FSTL4: variants seen among roughly 807,000 people sequenced by gnomAD.
FSTL4 encodes follistatin-related protein 4.
In FSTL4, 28 loss-of-function variants were observed where a neutral mutation model predicts 78.2. The ratio of observed to expected loss-of-function variants is 0.36; its 90% CI spans 0.27 to 0.49. The LOEUF (loss-of-function observed/expected upper bound fraction) is 0.49, where lower values mean the gene tolerates loss of function less well. Ranked by LOEUF, FSTL4 falls within the 20% of genes least tolerant of loss-of-function variation. FSTL4 has a pLI of 0.98. For missense variants in FSTL4, 922 were observed against 1,084.9 expected (o/e 0.85, Z 2.11); for synonymous variants, 422 against 440.5 (o/e 0.96, Z 0.53).
chr5:133,357,234 C>T (rs1203603069), intron 4 of FSTL4, among the ~76,000 whole-genome samples: 4 of 152,184 alleles, frequency 2.6e-5, no homozygotes, highest in African/African-American at 9.7e-5. Flanking sequence ...TTGGCAGAGT[C>T]TCAGTCCCCC....
chr5:133,219,911 G>A (rs765329673), intron 12 of FSTL4, among the ~76,000 whole-genome samples: 118 of 152,164 alleles, frequency 7.8e-4, no homozygotes, highest in Non-Finnish European at 1.5e-3. Flanking sequence ...AACATTGATG[G>A]GAAATAACAC....
chr5:133,393,858 A>C (rs1304489832), intron 4 of FSTL4, among the ~76,000 whole-genome samples: 1 of 152,272 alleles, frequency 6.6e-6, no homozygotes, highest in East Asian at 1.9e-4. Flanking sequence ...TGGCTTCTTA[A>C]TGACCTGCGG....
chr5:133,623,925 G>A, the FSTL4 span, among the ~76,000 whole-genome samples: 1 of 151,878 alleles, frequency 6.6e-6, no homozygotes, highest in Non-Finnish European at 1.5e-5. Context: ...CACAAGGAAG[G>A]CTATAATAAT....
the FSTL4 span, among the ~76,000 whole-genome samples, chr5:133,693,566 G>C: frequency 1.3e-5 from 2 of 152,214 alleles, no homozygotes; most frequent in Admixed American, 1.3e-4. Context: ...GGTTGCTGCA[G>C]CCCTGACCTC....
intron 3 of FSTL4, among the ~76,000 whole-genome samples, chr5:133,450,906 C>G (rs1399222482): frequency 6.6e-6 from 1 of 152,070 alleles, no homozygotes; most frequent in Non-Finnish European, 1.5e-5. Flanking sequence ...TGGACAAGAC[C>G]CAGACCCCAG....
intron 13 of FSTL4, among the ~76,000 whole-genome samples, chr5:133,216,307 T>C (rs1331682303): frequency 6.6e-6 from 1 of 152,186 alleles, no homozygotes; most frequent in Non-Finnish European, 1.5e-5. Context: ...TCCTGTTCTT[T>C]TGAGACAGAG....
intron 6 of FSTL4, among the ~76,000 whole-genome samples, chr5:133,271,389 C>T (rs1424166957): frequency 6.6e-6 from 1 of 152,180 alleles, no homozygotes; most frequent in East Asian, 1.9e-4. Flanking sequence ...TGAGAAGATG[C>T]CTCTGCTGGG....
At chr5:133,702,556 A>G in the FSTL4 span, among the ~76,000 whole-genome samples, 2 of 152,160 alleles carry the variant, frequency 1.3e-5, no homozygotes, top group African/African-American at 2.4e-5. Context: ...AGGCAGGAAT[A>G]CAGGGCCCAT....
chr5:133,402,827 G>A (rs767235935), intron 3 of FSTL4, among the ~76,000 whole-genome samples: 11 of 152,260 alleles, frequency 7.2e-5, no homozygotes, highest in East Asian at 1.9e-4. Flanking sequence ...CTAAGGAGGC[G>A]GGAATCTCTT....
At chr5:133,710,878 G>A in the FSTL4 span, among the ~76,000 whole-genome samples, 1 of 152,188 alleles carries the variant, frequency 6.6e-6, no homozygotes, top group Non-Finnish European at 1.5e-5. Context: ...CCATCACCGT[G>A]CCACCTTTGT....
chr5:133,200,606 A>C (rs1015025905), intron 15 of FSTL4, among the ~76,000 whole-genome samples: 1 of 152,224 alleles, frequency 6.6e-6, no homozygotes, highest in African/African-American at 2.4e-5. Context: ...GGAGTTGCTC[A>C]AATCTGGATT....
At chr5:133,454,667 G>A (rs776557606) in intron 3 of FSTL4, among the ~76,000 whole-genome samples, 68 of 152,328 alleles carry the variant, frequency 4.5e-4, no homozygotes, top group Non-Finnish European at 6.2e-4. Context: ...GCAGCCGAGC[G>A]CGAGTCACGA....
At chr5:133,339,652 G>T (rs1754542385) in intron 4 of FSTL4, among the ~76,000 whole-genome samples, 1 of 152,158 alleles carries the variant, frequency 6.6e-6, no homozygotes, top group Admixed American at 6.5e-5. Flanking sequence ...GACATGCATG[G>T]CCTCTAAGTT....
intron 3 of FSTL4, among the ~76,000 whole-genome samples, chr5:133,464,265 G>A (rs1757655074): frequency 6.6e-6 from 1 of 152,194 alleles, no homozygotes; most frequent in Non-Finnish European, 1.5e-5. Flanking sequence ...CAGTGGAGGT[G>A]CCCAGAAGAG....
In FSTL4 at chr5:133,312,422, G is replaced by A. The variant is rs112714482; in HGVS notation, c.727+232C>T. The stretch of plus-strand genomic sequence containing the variant: ...ATTACAGTCCTGGGCCCCTCAAAGA[G>A]CGAGAAAAATCTTTATTAAAAAGGA... On this transcript the variant is annotated intron_variant, in intron 6 of 15. Coordinates refer to ENST00000265342, the MANE Select transcript of FSTL4 (RefSeq NM_015082.2). The A allele has an allele frequency of 1.6e-3, 904 of 552,588 alleles. 6 individuals carry two copies. Among genetic ancestry groups the A allele is most frequent in the African/African-American group, 0.016 (842 of 52,956 alleles). The allele number at this position is 552,588 out of a possible 1,614,324, so 34.2% of individuals were successfully genotyped here. A position where few individuals can be genotyped will look rare whatever the true frequency, so the allele number is the denominator to read the frequency against.
At chr5:133,579,215 G>A (rs541393350) in intron 2 of FSTL4, among the ~76,000 whole-genome samples, 8 of 152,162 alleles carry the variant, frequency 5.3e-5, no homozygotes, top group Non-Finnish European at 2.9e-5. Context: ...GCAGCACAGC[G>A]CCTGGCGTAG....
intron 3 of FSTL4, among the ~76,000 whole-genome samples, chr5:133,451,067 T>G (rs1256084969): frequency 1.3e-5 from 2 of 152,020 alleles, no homozygotes; most frequent in African/African-American, 2.4e-5. Flanking sequence ...ACCAAAAGGA[T>G]GGGAGTTAGA....
intron 5 of FSTL4, among the ~76,000 whole-genome samples, chr5:133,316,147 C>G (rs1471791407): frequency 6.6e-6 from 1 of 152,166 alleles, no homozygotes; most frequent in African/African-American, 2.4e-5. Context: ...TCAATGGAAA[C>G]CAAGCACTGC....
At chr5:133,542,129 T>G (rs1759486503) in intron 3 of FSTL4, among the ~76,000 whole-genome samples, 1 of 152,238 alleles carries the variant, frequency 6.6e-6, no homozygotes, top group Admixed American at 6.5e-5. Context: ...AAATGGTGTT[T>G]GAAGTTAAAG....
Sources: allele counts gnomAD v4.1 joint callset (sites outside exome capture counted in the v4.1 genomes callset), GRCh38; gene constraint gnomAD v4.1.1; transcripts MANE v1.5; gene names NCBI Gene and HGNC (gene_info 2026-07-23, HGNC 2026-07-21).